FTO: variants seen among roughly 807,000 people sequenced by gnomAD.
FTO encodes alpha-ketoglutarate-dependent dioxygenase FTO.
In FTO, 47 loss-of-function variants were observed where a neutral mutation model predicts 63.9. The observed-to-expected ratio is 0.74, with a 90% CI of 0.58 to 0.94. The LOEUF (loss-of-function observed/expected upper bound fraction) is 0.94. Ranked by LOEUF, FTO falls within the 40% of genes least tolerant of loss-of-function variation. The probability of loss-of-function intolerance (pLI) is 0.00; values close to 1 mark genes in which losing one functional copy is unlikely to be tolerated. For synonymous variants in FTO, 207 were observed against 224.4 expected, an observed-to-expected ratio of 0.92 and a Z score of 0.69; for missense variants, 562 against 618.1, an observed-to-expected ratio of 0.91 and a Z score of 0.96.
At chr16:53,763,808 A>G (rs902206778) in intron 1 of FTO, among the ~76,000 whole-genome samples, 3 of 152,216 alleles carry the variant, frequency 2.0e-5, no homozygotes, top group Non-Finnish European at 4.4e-5. Context: ...TTTTTAGTCT[A>G]AGGACCCAGT....
intron 8 of FTO, among the ~76,000 whole-genome samples, chr16:53,940,226 A>G (rs908353476): frequency 9.2e-5 from 14 of 152,002 alleles, no homozygotes; most frequent in African/African-American, 3.1e-4. Context: ...GCATTTCCCT[A>G]TTGACTAATG....
intron 8 of FTO, among the ~76,000 whole-genome samples, chr16:54,056,034 A>T (rs1348348621): frequency 6.6e-6 from 1 of 152,238 alleles, no homozygotes; most frequent in Non-Finnish European, 1.5e-5. Context: ...TAAAGGGCTC[A>T]TCCTCACTTA....
chr16:54,118,631 G>C lies in FTO; in HGVS notation c.*6716G>C, dbSNP rs1407544079. 6.6e-6 allele frequency: 1 copy of C among 152,184 alleles called. No homozygotes were observed. The highest frequency in any genetic ancestry group is 6.6e-5 in the Admixed American group (1 of 15,264). The allele number at this position is 152,184 out of a possible 1,614,324, so 9.4% of individuals were successfully genotyped here. On this transcript the variant is annotated 3_prime_UTR_variant, in exon 9 of 9. Coordinates refer to ENST00000471389, the MANE Select transcript of FTO (RefSeq NM_001080432.3). The stretch of plus-strand genomic sequence containing the variant: ...GCCTCCCAAAGCGCTGAGATTACAA[G>C]CGTGAGCCACTACGCCTTGCCCTCC...
At chr16:53,850,545 G>A (rs1356125983) in intron 4 of FTO, among the ~76,000 whole-genome samples, 2 of 151,886 alleles carry the variant, frequency 1.3e-5, no homozygotes, top group East Asian at 3.9e-4. Flanking sequence ...TACTTGAAAG[G>A]CTTTATTTAC....
Position 54,113,680 on chromosome 16 carries a change from G to A in FTO, c.*1765G>A, listed in dbSNP as rs1261229214. Reference sequence around the variant, plus strand: ...TAAAAGTCACAGATGGGGCACCCTCGGGCCATCCAGCCCAGTGTTTTCTTT... The same window carrying A: ...TAAAAGTCACAGATGGGGCACCCTCAGGCCATCCAGCCCAGTGTTTTCTTT... On this transcript the variant is annotated 3_prime_UTR_variant, in exon 9 of 9. Coordinates refer to ENST00000471389, the MANE Select transcript of FTO (RefSeq NM_001080432.3). 1 of 152,090 alleles carries A rather than the reference G, an allele frequency of 6.6e-6. No individual in the cohort carries two copies. Among genetic ancestry groups the A allele is most frequent in the Admixed American group, 6.5e-5 (1 of 15,272 alleles). The allele number at this position is 152,090 out of a possible 1,614,324, so 9.4% of individuals were successfully genotyped here. A position where few individuals can be genotyped will look rare whatever the true frequency, so the allele number is the denominator to read the frequency against.
chr16:53,961,145 T>C (rs993457665), intron 8 of FTO, among the ~76,000 whole-genome samples: 13 of 142,848 alleles, frequency 9.1e-5, no homozygotes, highest in African/African-American at 3.3e-4. Context: ...GAGGCTCTCC[T>C]TTTTTTTTTT....
intron 8 of FTO, among the ~76,000 whole-genome samples, chr16:54,103,479 G>A (rs1382082075): frequency 6.6e-6 from 1 of 152,228 alleles, no homozygotes; most frequent in Admixed American, 6.5e-5. Context: ...TCTCTGATGT[G>A]TGTTGACTTT....
At chr16:54,103,980 T>C (rs2086693034) in intron 8 of FTO, among the ~76,000 whole-genome samples, 1 of 152,264 alleles carries the variant, frequency 6.6e-6, no homozygotes, top group South Asian at 2.1e-4. Context: ...AGGTGAGAAT[T>C]ATACATGGAA....
chr16:53,935,689 GC>G (rs1567453155), intron 8 of FTO: 1 of 152,108 alleles, frequency 6.6e-6, no homozygotes, highest in African/African-American at 2.4e-5. Context: ...GATTACAGGC[GC>G]GAGCCACCAT....
intron 1 of FTO, among the ~76,000 whole-genome samples, chr16:53,734,496 G>T (rs2076344455): frequency 1.3e-5 from 2 of 152,212 alleles, no homozygotes; most frequent in African/African-American, 4.8e-5. Flanking sequence ...ATCTGTGGTT[G>T]GGTGGCCAAT....
chr16:53,831,158 A>G (rs1312298068), intron 3 of FTO, among the ~76,000 whole-genome samples: 1 of 152,214 alleles, frequency 6.6e-6, no homozygotes, highest in African/African-American at 2.4e-5. Context: ...CACTGAGACC[A>G]TGAAAAGCTA....
At chr16:53,706,766 A>G (rs986944970) in intron 1 of FTO, among the ~76,000 whole-genome samples, 1 of 152,156 alleles carries the variant, frequency 6.6e-6, no homozygotes, top group Non-Finnish European at 1.5e-5. Flanking sequence ...TTTTATCGCA[A>G]ATTAGTGGCC....
intron 8 of FTO, among the ~76,000 whole-genome samples, chr16:54,103,550 A>C (rs796179029): frequency 2.4e-4 from 36 of 152,384 alleles, no homozygotes; most frequent in African/African-American, 7.9e-4. Flanking sequence ...TTTCAAAGAA[A>C]AAGTGAACGT....
chr16:53,793,250 C>T lies in FTO; in HGVS notation c.46-16890C>T, dbSNP rs534146720. On this transcript the variant is annotated intron_variant, in intron 1 of 8. Coordinates refer to ENST00000471389, the MANE Select transcript of FTO (RefSeq NM_001080432.3). The stretch of plus-strand genomic sequence containing the variant: ...CCACCCTTCCCCAAAGTTTTATTTC[C>T]GCAATCACTCCCTAATCTTTATTTC... 9.2e-5 allele frequency among the ~76,000 whole-genome samples: 14 copies of T among 152,156 alleles called. No homozygotes were observed. The East Asian group carries it at 2.1e-3, about 23-fold the overall frequency.
At chr16:53,721,347 T>G (rs2076036339) in intron 1 of FTO, among the ~76,000 whole-genome samples, 1 of 152,138 alleles carries the variant, frequency 6.6e-6, no homozygotes, top group Non-Finnish European at 1.5e-5. Flanking sequence ...AATAGTGGAG[T>G]TGATTTAGAT....
intron 1 of FTO, among the ~76,000 whole-genome samples, chr16:53,720,624 A>G (rs1302339610): frequency 6.8e-6 from 1 of 146,606 alleles, no homozygotes; most frequent in East Asian, 2.0e-4. Context: ...AGATATATAT[A>G]TATCTTTTAT....
intron 8 of FTO, among the ~76,000 whole-genome samples, chr16:54,024,520 G>T (rs997384074): frequency 6.6e-6 from 1 of 152,014 alleles, no homozygotes; most frequent in Non-Finnish European, 1.5e-5. Context: ...GAGTCACCGC[G>T]CCCGGCCTTG....
chr16:54,077,148 G>C (rs558485866), intron 8 of FTO, among the ~76,000 whole-genome samples: 1 of 152,290 alleles, frequency 6.6e-6, no homozygotes, highest in East Asian at 1.9e-4. Flanking sequence ...AGTGGGATAT[G>C]AAAAGCTGAT....
intron 1 of FTO, among the ~76,000 whole-genome samples, chr16:53,752,345 A>G (rs1386560190): frequency 6.6e-6 from 1 of 152,182 alleles, no homozygotes; most frequent in African/African-American, 2.4e-5. Context: ...GCACTTTAAA[A>G]AAAAATTATA....
Sources: allele counts gnomAD v4.1 joint callset (sites outside exome capture counted in the v4.1 genomes callset), GRCh38; gene constraint gnomAD v4.1.1; transcripts MANE v1.5; gene names NCBI Gene and HGNC (gene_info 2026-07-23, HGNC 2026-07-21).